RPS6KC1: variants seen among roughly 807,000 people sequenced by gnomAD.
The protein encoded by RPS6KC1 is inactive ribosomal protein S6 kinase delta-1.
RPS6KC1 carries 54 observed loss-of-function variants against 103.8 expected under a neutral mutation model. That is an observed-to-expected ratio of 0.52 (90% confidence interval 0.42 to 0.65). The LOEUF is 0.65. RPS6KC1 is among the 30% of genes least tolerant of loss of function. The pLI, the probability that RPS6KC1 is intolerant of heterozygous loss-of-function variation, is 0.00. For missense variants in RPS6KC1, 1,151 were observed against 1,253.8 expected, an observed-to-expected ratio of 0.92 and a Z score of 1.24; for synonymous variants, 439 against 438.7, an observed-to-expected ratio of 1.00 and a Z score of -0.01.
the RPS6KC1 span, among the ~76,000 whole-genome samples, chr1:213,563,983 T>TA: frequency 6.6e-6 from 1 of 151,516 alleles, no homozygotes; most frequent in Non-Finnish European, 1.5e-5. Context: ...TTTTTTTTTT[T>TA]TTGTATTTTA....
chr1:213,726,073 T>C, the RPS6KC1 span, among the ~76,000 whole-genome samples: 1 of 152,190 alleles, frequency 6.6e-6, no homozygotes. Context: ...GTTTTCTCCA[T>C]AATTGTTCTT....
the RPS6KC1 span, among the ~76,000 whole-genome samples, chr1:213,485,077 G>A: frequency 2.0e-4 from 30 of 152,192 alleles, no homozygotes; most frequent in South Asian, 2.7e-3. Context: ...AGTTGCCCAA[G>A]CTGGTCTTGA....
chr1:213,569,499 G>C, the RPS6KC1 span, among the ~76,000 whole-genome samples: 1 of 152,064 alleles, frequency 6.6e-6, no homozygotes, highest in African/African-American at 2.4e-5. Context: ...AGAACAGAAG[G>C]CTCTTTTGTG....
chr1:213,558,789 T>C, the RPS6KC1 span, among the ~76,000 whole-genome samples: 1 of 152,206 alleles, frequency 6.6e-6, no homozygotes, highest in African/African-American at 2.4e-5. Flanking sequence ...GCCCACTCTT[T>C]AAGCCATGTT....
At chr1:213,247,295 CAT>C (rs2094469431) in intron 12 of RPS6KC1, among the ~76,000 whole-genome samples, 1 of 152,248 alleles carries the variant, frequency 6.6e-6, no homozygotes, top group African/African-American at 2.4e-5. Context: ...AAAAGTGAAA[CAT>C]AGAAAAATCA....
chr1:213,842,008 C>G, the RPS6KC1 span: 1 of 152,226 alleles, frequency 6.6e-6, no homozygotes, highest in Non-Finnish European at 1.5e-5. Flanking sequence ...TTTATTTACA[C>G]CAGCTTTTAC....
chr1:213,577,909 G>C, the RPS6KC1 span, among the ~76,000 whole-genome samples: 3 of 152,366 alleles, frequency 2.0e-5, no homozygotes, highest in African/African-American at 7.2e-5. Context: ...CAAGTTGGCT[G>C]CATACATTTG....
chr1:213,551,521 A>C, the RPS6KC1 span, among the ~76,000 whole-genome samples: 1 of 152,108 alleles, frequency 6.6e-6, no homozygotes, highest in Non-Finnish European at 1.5e-5. Flanking sequence ...TACACTTCTT[A>C]AGTACAGTAC....
the RPS6KC1 span, among the ~76,000 whole-genome samples, chr1:213,570,601 T>C: frequency 4.6e-5 from 7 of 152,308 alleles, 1 homozygote; most frequent in African/African-American, 1.7e-4. Context: ...AACTTTTCAT[T>C]TCCTCTATAA....
chr1:213,505,045 A>G, the RPS6KC1 span, among the ~76,000 whole-genome samples: 1 of 152,154 alleles, frequency 6.6e-6, no homozygotes. Context: ...GAGTCTATCA[A>G]TGAAAGCCCA....
At chr1:213,055,309 A>G (rs1022697632) in intron 1 of RPS6KC1, among the ~76,000 whole-genome samples, 1 of 150,682 alleles carries the variant, frequency 6.6e-6, no homozygotes, top group African/African-American at 2.4e-5. Context: ...TATACAAGGA[A>G]TCATATAGTA....
At chr1:213,605,938 A>C in the RPS6KC1 span, among the ~76,000 whole-genome samples, 1 of 152,224 alleles carries the variant, frequency 6.6e-6, no homozygotes, top group East Asian at 1.9e-4. Context: ...AGTGCAAACC[A>C]TGATAAGAAA....
intron 3 of RPS6KC1, among the ~76,000 whole-genome samples, chr1:213,095,243 A>C (rs1464133975): frequency 6.6e-6 from 1 of 152,190 alleles, no homozygotes; most frequent in African/African-American, 2.4e-5. Context: ...TAATCCAGAG[A>C]ATCTTGACCT....
chr1:213,301,700 TATTTA>T, the RPS6KC1 span, among the ~76,000 whole-genome samples: 1 of 54,438 alleles, frequency 1.8e-5, no homozygotes, highest in Admixed American at 1.6e-4. Context: ...CCCATTTACT[TATTTA>T]TTTATTTATT....
the RPS6KC1 span, among the ~76,000 whole-genome samples, chr1:213,695,159 G>A: frequency 9.2e-5 from 14 of 152,268 alleles, no homozygotes; most frequent in Middle Eastern, 6.8e-3. Context: ...ATAAATACGC[G>A]TTGAACAGAT....
chr1:213,591,037 C>T, the RPS6KC1 span, among the ~76,000 whole-genome samples: 1 of 152,164 alleles, frequency 6.6e-6, no homozygotes, highest in East Asian at 1.9e-4. Context: ...CATGAGCTGG[C>T]ACTTCTGCTA....
chr1:213,279,906 C>G, the RPS6KC1 span, among the ~76,000 whole-genome samples: 2 of 152,196 alleles, frequency 1.3e-5, no homozygotes. Flanking sequence ...AATTGGAACT[C>G]TGAGGGCTGC....
intron 1 of RPS6KC1, among the ~76,000 whole-genome samples, chr1:213,062,575 T>G (rs77130066): frequency 0.013 from 2,047 of 152,042 alleles, 47 homozygotes; most frequent in African/African-American, 0.043. Flanking sequence ...TTTTTTTTTT[T>G]GGGGCGGAGT....
chr1:213,553,822 T>C, the RPS6KC1 span, among the ~76,000 whole-genome samples: 1 of 152,228 alleles, frequency 6.6e-6, no homozygotes, highest in South Asian at 2.1e-4. Context: ...GCTGTGTGTA[T>C]AACTTCTTTT....
Sources: gnomAD v4.1 joint callset for allele counts (sites outside exome capture counted in the v4.1 genomes callset) on GRCh38, gnomAD v4.1.1 for gene constraint, MANE v1.5 for transcripts, NCBI Gene and HGNC (gene_info 2026-07-23, HGNC 2026-07-21) for gene names.